Variants in STAB2 observed in about 807,000 individuals in gnomAD.
STAB2 encodes the protein stabilin 2, also known as stabilin-2.
A neutral mutation model predicts 338.1 loss-of-function variants in STAB2; 288 were observed. The observed-to-expected ratio is 0.85, with a 90% CI of 0.77 to 0.94. The LOEUF (loss-of-function observed/expected upper bound fraction) is 0.94, where lower values mean the gene tolerates loss of function less well. Ranked by LOEUF, STAB2 falls within the 40% of genes least tolerant of loss-of-function variation. STAB2 has a pLI of 0.00. For synonymous variants in STAB2, 1,202 were observed against 1,193.3 expected (o/e 1.01, Z -0.15); for missense variants, 3,141 against 3,210.1 (o/e 0.98, Z 0.52).
At chr12:103,593,698 C>T (rs1369667460) in intron 2 of STAB2, among the ~76,000 whole-genome samples, 3 of 152,110 alleles carry the variant, frequency 2.0e-5, no homozygotes, top group Non-Finnish European at 4.4e-5. Context: ...TAACAGCAGC[C>T]CAGTTGAAAG....
intron 63 of STAB2, 151 bp downstream of exon 63, chr12:103,755,869 C>T (rs1303822059): frequency 4.4e-6 from 3 of 686,656 alleles, no homozygotes; most frequent in South Asian, 1.8e-5. Flanking sequence ...CCTAGTTTTG[C>T]CACTCACTTG....
At chr12:103,685,465 T>TGTGTGTGTGC (rs1877339014) in intron 27 of STAB2, among the ~76,000 whole-genome samples, 1 of 141,396 alleles carries the variant, frequency 7.1e-6, no homozygotes, top group East Asian at 2.4e-4. Flanking sequence ...CGCGTGCGTG[T>TGTGTGTGTGC]GTGTGTGCGT....
In STAB2 at chr12:103,674,033, A is replaced by G. The variant is rs1436145045; in HGVS notation, c.2498A>G (p.Tyr833Cys). The change falls in exon 23 of 69, where the codon TAC becomes TGC. Residue 833 changes from tyrosine to cysteine, a missense_variant. Tyr to Cys is a radical substitution (Grantham distance 194, BLOSUM62 -2). Transcript: ENST00000388887. ...CDKQTSACGPYVQFCHIHATC... is the reference protein window; with the variant it reads ...CDKQTSACGPCVQFCHIHATC... ...AAGCAGACCTCAGCCTGTGGGCCCT[A>G]CGTGCAGTTCTGTCACATCCACGCC... The G allele has an allele frequency of 3.1e-6, 5 of 1,613,956 alleles. No homozygotes were observed. The African/African-American group carries it at 5.3e-5, about 17-fold the overall frequency.
chr12:103,735,447 C>A lies in STAB2; in HGVS notation c.5461-44C>A, dbSNP rs192143938. ...AAGCTCCTTCGGGCCGTCCCTTCTTCGGCCCAAATTTGGGGCAGTCACGTG... is the reference window on the plus strand; with the variant it reads ...AAGCTCCTTCGGGCCGTCCCTTCTTAGGCCCAAATTTGGGGCAGTCACGTG... On this transcript the variant is annotated intron_variant, in intron 51 of 68. Transcript: ENST00000388887. 2.6e-5 allele frequency: 38 copies of A among 1,476,730 alleles called. No homozygotes were observed. The South Asian group carries it at 3.1e-4, about 12-fold the overall frequency. 91.5% of individuals were successfully genotyped at this position (1,476,730 alleles called of 1,614,324 possible). A position where few individuals can be genotyped will look rare whatever the true frequency, so the allele number is the denominator to read the frequency against.
At chr12:103,724,215 G>A (rs558865712) in intron 44 of STAB2, among the ~76,000 whole-genome samples, 1 of 152,340 alleles carries the variant, frequency 6.6e-6, no homozygotes, top group East Asian at 1.9e-4. Flanking sequence ...CCAGGACATT[G>A]CCACTTCAAT....
intron 37 of STAB2, among the ~76,000 whole-genome samples, chr12:103,705,934 A>G (rs1879310618): frequency 6.6e-6 from 1 of 152,166 alleles, no homozygotes; most frequent in African/African-American, 2.4e-5. Context: ...AAAAGCTGCA[A>G]TTCAATTCAG....
rs112507549 is a variant in STAB2 at position 103,711,356 on chromosome 12, G to A, written c.4289-115G>A. On this transcript the variant is annotated intron_variant, in intron 39 of 68. Transcript: ENST00000388887. The stretch of plus-strand genomic sequence containing the variant: ...TGACATGACCTCATAGTTTTATATC[G>A]CTCACATGATACATATCACTTCCAA... The A allele has an allele frequency of 6.8e-4, 932 of 1,371,010 alleles. 4 individuals are homozygous for A. The highest frequency in any genetic ancestry group is 3.6e-3 in the South Asian group (275 of 76,950). The allele number at this position is 1,371,010 out of a possible 1,614,324, so 84.9% of individuals were successfully genotyped here.
chr12:103,697,850 G>C (rs1024611623), intron 33 of STAB2, among the ~76,000 whole-genome samples: 3 of 152,196 alleles, frequency 2.0e-5, no homozygotes, highest in South Asian at 2.1e-4. Flanking sequence ...TTTCTAAAAT[G>C]TATAAACCTA....
chr12:103,727,442 AAGC>A (rs1881300657), intron 47 of STAB2, 92 bp downstream of exon 47: 7 of 1,415,208 alleles, frequency 4.9e-6, no homozygotes, highest in Non-Finnish European at 7.0e-6. Context: ...AGATGTTTCT[AAGC>A]AGGAGCTCTG....
intron 8 of STAB2, 84 bp downstream of exon 8, chr12:103,638,296 A>G (rs1582876): frequency 0.21 from 293,809 of 1,411,946 alleles, 33,797 homozygotes; most frequent in South Asian, 0.41. Context: ...CTTCTATGCC[A>G]TCCCAATTCT....
chr12:103,591,078 G>C, intron 2 of STAB2, 48 bp downstream of exon 2: 1 of 1,608,064 alleles, frequency 6.2e-7, no homozygotes, highest in Non-Finnish European at 8.5e-7. Flanking sequence ...CCAACTTGAA[G>C]CTCCCTGTCT....
intron 33 of STAB2, among the ~76,000 whole-genome samples, chr12:103,696,137 G>A (rs2138933862): frequency 6.6e-6 from 1 of 152,208 alleles, no homozygotes; most frequent in Non-Finnish European, 1.5e-5. Flanking sequence ...AACAAAGGAA[G>A]CCCAAACCCA....
intron 51 of STAB2, among the ~76,000 whole-genome samples, chr12:103,735,018 C>G (rs1008168743): frequency 6.6e-6 from 1 of 152,158 alleles, no homozygotes; most frequent in African/African-American, 2.4e-5. Context: ...TAAGAGTCCA[C>G]TCTACTCCAG....
rs564365707 is a variant in STAB2 at position 103,726,984 on chromosome 12, G to A, written c.4852-283G>A. On this transcript the variant is annotated intron_variant, in intron 46 of 68. Coordinates refer to ENST00000388887, the MANE Select transcript of STAB2 (RefSeq NM_017564.10). ...AAAATACCTGAAAATAGTAAGAGCTGCTTCTAGGTGGTGGGACTAGGGAGG... is the reference window on the plus strand; with the variant it reads ...AAAATACCTGAAAATAGTAAGAGCTACTTCTAGGTGGTGGGACTAGGGAGG... Among the ~76,000 whole-genome samples, 3 of 152,304 alleles carry A rather than the reference G, an allele frequency of 2.0e-5. No individual in the cohort carries two copies. In the South Asian group the frequency reaches 6.2e-4, roughly 32 times the overall value.
intron 3 of STAB2, 140 bp downstream of exon 3, chr12:103,594,650 A>C (rs1348576352): frequency 1.5e-6 from 1 of 669,840 alleles, no homozygotes; most frequent in African/African-American, 1.8e-5. Flanking sequence ...ATATGTAGAA[A>C]ATCTTTCTTG....
intron 44 of STAB2, among the ~76,000 whole-genome samples, chr12:103,718,222 G>T (rs1023419398): frequency 6.6e-6 from 1 of 152,094 alleles, no homozygotes; most frequent in Non-Finnish European, 1.5e-5. Context: ...AGACTTACAC[G>T]TAGGAATCCA....
chr12:103,688,043 A>G, intron 27 of STAB2, 125 bp from the exon 28 acceptor site: 1 of 876,690 alleles, frequency 1.1e-6, no homozygotes, highest in African/African-American at 1.7e-5. Flanking sequence ...GGCCAGGACA[A>G]CGAGCCTAGC....
Position 103,749,152 on chromosome 12 carries a change from GC to G in STAB2, c.6437del (p.Pro2146ArgfsTer17). On this transcript the variant is annotated frameshift_variant, in exon 59 of 69. Transcript: ENST00000388887. LOFTEE classifies it high-confidence loss of function. The part of the protein sequence containing the change: ...CHEHATCKMT[G>X]PGKHKCECKS... ...GAGCACGCCACCTGTAAGATGACAG[GC>G]CCGGTGAGTCGCTCTTTCCCAGGGA... 1 of 1,595,694 alleles carries G rather than the reference GC, an allele frequency of 6.3e-7. No individual in the cohort carries two copies. The highest frequency in any genetic ancestry group is 8.6e-7 in the Non-Finnish European group (1 of 1,166,588).
In STAB2 at chr12:103,759,612, T is replaced by C. The variant is rs1013815683; in HGVS notation, c.7248+339T>C. On this transcript the variant is annotated intron_variant, in intron 65 of 68. Transcript: ENST00000388887. ...ATGACCCCAGTATGAATCCCAGTTC[T>C]GCCACTTGCTAACTGTAAGGACTTA... Among the ~76,000 whole-genome samples, 35 of 152,226 alleles carry C rather than the reference T, an allele frequency of 2.3e-4. 1 individual carries two copies. The highest frequency in any genetic ancestry group is 2.0e-4 in the Admixed American group (3 of 15,286).
Sources: allele counts gnomAD v4.1 joint callset (sites outside exome capture counted in the v4.1 genomes callset), GRCh38; gene constraint gnomAD v4.1.1; transcripts MANE v1.5; gene names NCBI Gene and HGNC (gene_info 2026-07-23, HGNC 2026-07-21).